Variants in LGSN observed in about 807,000 individuals in gnomAD.
LGSN encodes lengsin.
A neutral mutation model predicts 19.5 loss-of-function variants in LGSN; 21 were observed. That is an observed-to-expected ratio of 1.07 (90% CI 0.76 to 1.55). LGSN has a LOEUF of 1.55. LGSN is among the 40% of genes most tolerant of loss of function. The pLI is 0.00. For synonymous variants in LGSN, 257 were observed against 215.6 expected (o/e 1.19, Z -1.68); for missense variants, 673 against 608.5 (o/e 1.11, Z -1.12).
the LGSN span, among the ~76,000 whole-genome samples, chr6:63,442,105 C>A: frequency 6.6e-5 from 10 of 152,114 alleles, no homozygotes; most frequent in African/African-American, 2.2e-4. Context: ...TTAAAGACAG[C>A]GCATCTGGAG....
chr6:63,288,017 C>T (rs1767610589), intron 2 of LGSN, among the ~76,000 whole-genome samples: 3 of 151,876 alleles, frequency 2.0e-5, no homozygotes, highest in Admixed American at 2.0e-4. Context: ...AGTTCAAGAC[C>T]AGCCTGACCT....
chr6:63,553,099 A>G, the LGSN span, among the ~76,000 whole-genome samples: 1 of 152,330 alleles, frequency 6.6e-6, no homozygotes, highest in East Asian at 1.9e-4. Flanking sequence ...GAGAGAATGT[A>G]TATCTGTGTA....
the LGSN span, among the ~76,000 whole-genome samples, chr6:63,400,278 T>C: frequency 6.6e-6 from 1 of 152,206 alleles, no homozygotes; most frequent in African/African-American, 2.4e-5. Flanking sequence ...AGTCCTGGGC[T>C]TCCAGTCTAC....
chr6:63,400,820 C>T, the LGSN span, among the ~76,000 whole-genome samples: 1 of 152,062 alleles, frequency 6.6e-6, no homozygotes, highest in East Asian at 1.9e-4. Context: ...ATGGTGAAAC[C>T]CTGTCTCTGC....
the LGSN span, among the ~76,000 whole-genome samples, chr6:63,369,149 C>G: frequency 6.6e-6 from 1 of 152,158 alleles, no homozygotes; most frequent in African/African-American, 2.4e-5. Context: ...CAGAGAATTC[C>G]TACAATAATA....
chr6:63,393,031 C>T, the LGSN span, among the ~76,000 whole-genome samples: 5 of 151,392 alleles, frequency 3.3e-5, no homozygotes, highest in Admixed American at 6.6e-5. Context: ...GGACTACAGG[C>T]GCCCACCACC....
chr6:63,311,407 T>C (rs1768623173), intron 1 of LGSN, among the ~76,000 whole-genome samples: 1 of 152,202 alleles, frequency 6.6e-6, no homozygotes, highest in South Asian at 2.1e-4. Flanking sequence ...TTAGGGCAAA[T>C]TGATGTGGAT....
the LGSN span, among the ~76,000 whole-genome samples, chr6:63,349,850 G>A: frequency 6.6e-6 from 1 of 152,286 alleles, no homozygotes; most frequent in South Asian, 2.1e-4. Flanking sequence ...TCAAGGTGTT[G>A]GGTAGGCTGA....
the LGSN span, among the ~76,000 whole-genome samples, chr6:63,406,907 G>A: frequency 1.2e-4 from 18 of 152,094 alleles, no homozygotes; most frequent in Non-Finnish European, 7.4e-5. Context: ...ACACCTCTAC[G>A]CAAATAAACT....
the LGSN span, among the ~76,000 whole-genome samples, chr6:63,536,067 C>G: frequency 1.3e-5 from 2 of 151,916 alleles, no homozygotes; most frequent in Admixed American, 6.5e-5. Flanking sequence ...GCCACCACTC[C>G]CGGTCTGTAA....
intron 1 of LGSN, among the ~76,000 whole-genome samples, chr6:63,303,533 C>T (rs761992935): frequency 2.2e-4 from 34 of 152,290 alleles, no homozygotes; most frequent in Non-Finnish European, 4.1e-4. Flanking sequence ...GTTCCTCTTC[C>T]AATCAAAACA....
the LGSN span, chr6:63,441,731 G>GC: frequency 2.5e-6 from 1 of 407,748 alleles, no homozygotes; most frequent in South Asian, 2.1e-5. Flanking sequence ...AACAAATTAG[G>GC]CCCCCAAATC....
At chr6:63,494,391 T>C in the LGSN span, among the ~76,000 whole-genome samples, 1 of 152,256 alleles carries the variant, frequency 6.6e-6, no homozygotes, top group East Asian at 1.9e-4. Context: ...ATGTAACATG[T>C]AATATGTATA....
the LGSN span, among the ~76,000 whole-genome samples, chr6:63,499,838 G>T: frequency 6.6e-6 from 1 of 152,136 alleles, no homozygotes; most frequent in South Asian, 2.1e-4. Flanking sequence ...GGTGGGATTT[G>T]GTTAGGTCTA....
At chr6:63,552,386 T>C in the LGSN span, among the ~76,000 whole-genome samples, 2 of 152,188 alleles carry the variant, frequency 1.3e-5, no homozygotes, top group African/African-American at 4.8e-5. Flanking sequence ...GGGTTGTTTG[T>C]TTTTTTCTTG....
At position 63,285,692 on chromosome 6, in the gene LGSN, G is replaced by A; in HGVS notation, c.225C>T (p.His75=). ...TPPQLSSRMK[H]IRQAMAKNRL... The stretch of plus-strand genomic sequence containing the variant: ...GATTTTTGGCCATGGCTTGTCTAAT[G>A]TGTTTCATTCTAGAAGAGAGTTGAG... The change falls in exon 3 of 4, where the codon CAC becomes CAT. Residue 75 remains histidine (H), a synonymous_variant. Coordinates refer to ENST00000370657, the MANE Select transcript of LGSN (RefSeq NM_016571.3). 1 of 1,613,976 alleles carries A rather than the reference G, an allele frequency of 6.2e-7. No individual in the cohort carries two copies. The highest frequency in any genetic ancestry group is 1.3e-5 in the African/African-American group (1 of 75,022).
chr6:63,441,231 C>T, the LGSN span: 1 of 325,054 alleles, frequency 3.1e-6, no homozygotes, highest in Non-Finnish European at 6.3e-6. Context: ...AATGACTATT[C>T]TCCCGTCGGA....
At chr6:63,432,093 GAAAGAAAGAAAGAAA>G in the LGSN span, among the ~76,000 whole-genome samples, 15 of 16,304 alleles carry the variant, frequency 9.2e-4, no homozygotes, top group Non-Finnish European at 1.6e-3. Flanking sequence ...AAGAAGGAAA[GAAAGAAAGAAAGAAA>G]GAAAGAAAGA....
chr6:63,539,136 C>CA, the LGSN span, among the ~76,000 whole-genome samples: 1 of 152,124 alleles, frequency 6.6e-6, no homozygotes, highest in Admixed American at 6.5e-5. Flanking sequence ...TAAGGTGGTC[C>CA]ACCCACCTTG....
Sources: allele counts gnomAD v4.1 joint callset (sites outside exome capture counted in the v4.1 genomes callset), GRCh38; gene constraint gnomAD v4.1.1; transcripts MANE v1.5; gene names NCBI Gene and HGNC (gene_info 2026-07-23, HGNC 2026-07-21).